The following TESK2 variants were observed in gnomAD, a reference collection of about 807,000 sequenced individuals.
TESK2 encodes the protein testis associated actin remodelling kinase 2.
In TESK2, 39 loss-of-function variants were observed where a neutral mutation model predicts 57.1. The observed-to-expected ratio is 0.68, with a 90% CI of 0.53 to 0.89. The LOEUF is 0.89. TESK2 is among the 40% of genes least tolerant of loss of function. The pLI is 0.00. For missense variants in TESK2, 646 were observed against 732.1 expected (o/e 0.88, Z 1.36); for synonymous variants, 249 against 267.9 (o/e 0.93, Z 0.69).
At chr1:45,472,787 T>C (rs1449121632) in intron 1 of TESK2, among the ~76,000 whole-genome samples, 1 of 151,936 alleles carries the variant, frequency 6.6e-6, no homozygotes, top group African/African-American at 2.4e-5. Flanking sequence ...CAGGAGGCTG[T>C]TGGAGACACC....
At chr1:45,415,016 T>G in intron 3 of TESK2, 1 of 948,342 alleles carries the variant, frequency 1.1e-6, no homozygotes, top group Non-Finnish European at 1.6e-6. Flanking sequence ...CCCCGTACTA[T>G]CAGCCATGGT....
intron 3 of TESK2, among the ~76,000 whole-genome samples, chr1:45,407,108 C>T (rs1649877048): frequency 6.6e-6 from 1 of 152,094 alleles, no homozygotes; most frequent in African/African-American, 2.4e-5. Flanking sequence ...TTTTTAGAGA[C>T]AGGGTCTTGC....
chr1:45,398,413 C>G lies in TESK2; in HGVS notation c.345-12453G>C, dbSNP rs555543495. On this transcript the variant is annotated intron_variant, in intron 3 of 10. Coordinates refer to ENST00000372086, the MANE Select transcript of TESK2 (RefSeq NM_007170.3). ...AAAAAAAATTAGCTGGGTGTGGTGG[C>G]GTGCACCTGTAGTCCCAGTTACTCA... Among the ~76,000 whole-genome samples, 45 of 152,074 alleles carry G rather than the reference C, an allele frequency of 3.0e-4. 1 individual carries two copies. The highest frequency in any genetic ancestry group is 3.4e-3 in the Middle Eastern group (1 of 294).
At chr1:45,420,086 T>G (rs896882892) in intron 3 of TESK2, among the ~76,000 whole-genome samples, 3 of 152,156 alleles carry the variant, frequency 2.0e-5, no homozygotes, top group Non-Finnish European at 4.4e-5. Flanking sequence ...CAAAGCATCC[T>G]GCACATAAAC....
intron 1 of TESK2, among the ~76,000 whole-genome samples, chr1:45,469,974 T>C (rs1011145821): frequency 1.3e-5 from 2 of 152,122 alleles, no homozygotes; most frequent in Non-Finnish European, 2.9e-5. Context: ...CAGCCAGCAA[T>C]CAAAAATTGT....
At chr1:45,384,790 T>C (rs1648824388) in intron 4 of TESK2, among the ~76,000 whole-genome samples, 1 of 151,902 alleles carries the variant, frequency 6.6e-6, no homozygotes, top group Non-Finnish European at 1.5e-5. Context: ...ATCCCCATTA[T>C]ACAGATGGAA....
At chr1:45,345,623 CAG>C in intron 10 of TESK2, 65 bp from the exon 11 acceptor site, 1 of 1,441,696 alleles carries the variant, frequency 6.9e-7, no homozygotes, top group Non-Finnish European at 9.5e-7. Flanking sequence ...CATTTTACCA[CAG>C]AATGTTTTCA....
chr1:45,472,680 GC>G (rs1247974610), intron 1 of TESK2, among the ~76,000 whole-genome samples: 1 of 152,038 alleles, frequency 6.6e-6, no homozygotes, highest in Non-Finnish European at 1.5e-5. Flanking sequence ...AGAATGGCTA[GC>G]CATTCACCTA....
chr1:45,367,920 A>G (rs1400430855), intron 4 of TESK2, among the ~76,000 whole-genome samples: 1 of 151,584 alleles, frequency 6.6e-6, no homozygotes, highest in African/African-American at 2.4e-5. Flanking sequence ...CAGCCTCTCA[A>G]AGTGCTGGGA....
chr1:45,458,681 CAA>C (rs1186733440), intron 1 of TESK2, among the ~76,000 whole-genome samples: 1 of 151,486 alleles, frequency 6.6e-6, no homozygotes, highest in African/African-American at 2.4e-5. Context: ...AAATTAATTC[CAA>C]ATATATAAAA....
At chr1:45,455,624 T>C (rs1652059072) in intron 2 of TESK2, among the ~76,000 whole-genome samples, 1 of 152,174 alleles carries the variant, frequency 6.6e-6, no homozygotes, top group Admixed American at 6.6e-5. Context: ...GTTTCATGGG[T>C]ACAGAGATTC....
chr1:45,430,846 C>A (rs1650921223), intron 2 of TESK2, among the ~76,000 whole-genome samples: 1 of 152,146 alleles, frequency 6.6e-6, no homozygotes, highest in East Asian at 1.9e-4. Flanking sequence ...TATGGACGGA[C>A]AGAAATAGAG....
chr1:45,368,347 TTG>T (rs894453352), intron 4 of TESK2, among the ~76,000 whole-genome samples: 4 of 151,160 alleles, frequency 2.6e-5, no homozygotes, highest in Non-Finnish European at 5.9e-5. Context: ...TTTTGTTTTT[TTG>T]TGTGTGTTTT....
chr1:45,483,603 A>G (rs1402435246), intron 1 of TESK2, among the ~76,000 whole-genome samples: 1 of 48,598 alleles, frequency 2.1e-5, no homozygotes. Flanking sequence ...AGAAAAAAGA[A>G]AAAAAAAAAA....
At chr1:45,482,647 G>C (rs1475347687) in intron 1 of TESK2, among the ~76,000 whole-genome samples, 5 of 150,288 alleles carry the variant, frequency 3.3e-5, no homozygotes, top group African/African-American at 1.2e-4. Flanking sequence ...GCTATGCAAT[G>C]CCAACAGCAA....
chr1:45,472,991 A>G (rs1652829880), intron 1 of TESK2, among the ~76,000 whole-genome samples: 1 of 151,284 alleles, frequency 6.6e-6, no homozygotes, highest in East Asian at 1.9e-4. Flanking sequence ...AAAAAAAAAA[A>G]AAATACAAAA....
At chr1:45,489,148 A>AT (rs957183776) in intron 1 of TESK2, among the ~76,000 whole-genome samples, 2 of 151,250 alleles carry the variant, frequency 1.3e-5, no homozygotes, top group African/African-American at 4.9e-5. Context: ...AAAAAAAAAA[A>AT]AGCTTCTTAA....
At chr1:45,380,679 G>A (rs1274445269) in intron 4 of TESK2, among the ~76,000 whole-genome samples, 1 of 152,134 alleles carries the variant, frequency 6.6e-6, no homozygotes, top group Admixed American at 6.5e-5. Context: ...TCTGGACAGC[G>A]TCAATTTAAC....
rs1570788397 is a variant in TESK2, at chr1:45,491,114, G to C, written c.-349C>G. 1 of 152,238 alleles carries C rather than the reference G, an allele frequency of 6.6e-6. No individual in the cohort carries two copies. The highest frequency in any genetic ancestry group is 1.9e-4 in the East Asian group (1 of 5,186). 9.4% of individuals were successfully genotyped at this position (152,238 alleles called of 1,614,324 possible). ...GGGCCAGGAGGACGATCCGACCAGCGAAGCCAACAGGGCAGCTGGTAGCTC... is the reference window on the plus strand; with the variant it reads ...GGGCCAGGAGGACGATCCGACCAGCCAAGCCAACAGGGCAGCTGGTAGCTC... On this transcript the variant is annotated 5_prime_UTR_variant, in exon 1 of 11. Coordinates refer to ENST00000372086, the MANE Select transcript of TESK2 (RefSeq NM_007170.3).
Sources: gnomAD v4.1 joint callset for allele counts (sites outside exome capture counted in the v4.1 genomes callset) on GRCh38, gnomAD v4.1.1 for gene constraint, MANE v1.5 for transcripts, NCBI Gene and HGNC (gene_info 2026-07-23, HGNC 2026-07-21) for gene names.